STXBP2: variants seen among roughly 807,000 people sequenced by gnomAD.
STXBP2 encodes syntaxin-binding protein 2.
STXBP2 carries 47 observed loss-of-function variants against 72.2 expected under a neutral mutation model. The ratio of observed to expected loss-of-function variants is 0.65; its 90% CI spans 0.51 to 0.83. STXBP2 has a LOEUF of 0.83. Among genes scored for constraint, STXBP2 ranks in the 40% least tolerant of loss-of-function variants. The pLI is 0.00. For synonymous variants in STXBP2, 367 were observed against 338.7 expected, an observed-to-expected ratio of 1.08 and a Z score of -0.92; for missense variants, 702 against 807.6, an observed-to-expected ratio of 0.87 and a Z score of 1.58.
At chr19:7,640,352 GTGCA>G (rs1170241826) in intron 4 of STXBP2, 1 of 560,154 alleles carries the variant, frequency 1.8e-6, no homozygotes. Flanking sequence ...GTATGCGTCT[GTGCA>G]TGTGTGTATG....
intron 1 of STXBP2, 40 bp downstream of exon 1, chr19:7,637,226 G>C (rs1161768227): frequency 8.1e-7 from 1 of 1,236,704 alleles, no homozygotes; most frequent in African/African-American, 1.6e-5. Flanking sequence ...CGTCCGGTGT[G>C]GGACGGGGGT....
chr19:7,640,367 C>CGT (rs534830594), intron 4 of STXBP2: 5 of 538,852 alleles, frequency 9.3e-6, no homozygotes, highest in South Asian at 1.6e-5. Context: ...TGTGTGTATG[C>CGT]GTGTGTGTGC....
upstream of STXBP2, chr19:7,632,733 C>T (rs867786550): frequency 6.4e-7 from 1 of 1,560,852 alleles, no homozygotes; most frequent in Admixed American, 1.9e-5. The surrounding 1 kb of genome is among the most constrained non-coding windows in gnomAD (Gnocchi z 5.2). Context: ...GGTGGTCTGG[C>T]CCGGCCCGGC....
chr19:7,647,080 C>G, intron 16 of STXBP2, 82 bp from the exon 17 acceptor site: 1 of 1,453,842 alleles, frequency 6.9e-7, no homozygotes, highest in South Asian at 1.2e-5. Context: ...GGATCTTGGC[C>G]CCTGAATACC....
rs1357933588 is a variant in STXBP2, at chr19:7,647,191, C to T, written c.1482C>T (p.Asn494=). The change falls in exon 17 of 19, where the codon AAC becomes AAT. Residue 494 remains asparagine, a synonymous_variant. Transcript: ENST00000221283. ...CCGTGGAGGACCGGCTGGACAGGAA[C>T]CTGTGGCCCTTCGTATCCGACCCCG... ...EDAVEDRLDR[N]LWPFVSDPAP... 3 of 1,612,054 alleles carry T rather than the reference C, an allele frequency of 1.9e-6. No individual in the cohort carries two copies. Among genetic ancestry groups the T allele is most frequent in the Non-Finnish European group, 2.5e-6 (3 of 1,179,886 alleles).
Position 7,647,345 on chromosome 19 carries a change from C to T in STXBP2, c.1539-9C>T. On this transcript the variant is annotated splice_polypyrimidine_tract_variant and intron_variant, in intron 17 of 18. Transcript: ENST00000221283. ...TCCTGCCTGGACTTTCTGCCCCTGC[C>T]CTGCACAGTGCCCGCTTCGGTCACT... is the stretch of plus-strand genomic sequence containing the variant. The T allele has an allele frequency of 6.2e-7, 1 of 1,613,104 alleles. No homozygotes were observed. The highest frequency in any genetic ancestry group is 8.5e-7 in the Non-Finnish European group (1 of 1,179,954).
At chr19:7,639,304 T>C in intron 3 of STXBP2, 1 of 665,094 alleles carries the variant, frequency 1.5e-6, no homozygotes, top group Admixed American at 2.1e-5. Flanking sequence ...GCCCATGGAT[T>C]GCAGGCCTCC....
chr19:7,639,844 A>T (rs2031717902), intron 4 of STXBP2, 37 bp downstream of exon 4: 1 of 1,599,620 alleles, frequency 6.3e-7, no homozygotes, highest in African/African-American at 1.3e-5. Flanking sequence ...ATGCGCGTGC[A>T]TGCGTGTACA....
intron 18 of STXBP2, 61 bp downstream of exon 18, chr19:7,647,572 T>C: frequency 6.3e-7 from 1 of 1,579,054 alleles, no homozygotes; most frequent in Non-Finnish European, 8.6e-7. Flanking sequence ...CCTGGGCTTG[T>C]ACCTTCTAGG....
In STXBP2 at chr19:7,641,740, C is replaced by T. The variant is rs1451920383; in HGVS notation, c.465C>T (p.Asn155=). ...TCGATGCTCCCCACAGCACCTACAA[C>T]CTCTACTGCCCCTTCCGGGCAGAGG... ...FSLDAPHSTY[N]LYCPFRAEER... The change falls in exon 7 of 19, where the codon AAC becomes AAT. Residue 155 remains asparagine (N), a synonymous_variant. Transcript: ENST00000221283. 1 of 1,553,552 alleles carries T rather than the reference C, an allele frequency of 6.4e-7. No homozygotes were observed. Among genetic ancestry groups the T allele is most frequent in the Non-Finnish European group, 8.7e-7 (1 of 1,148,700 alleles).
chr19:7,635,026 C>T (rs1487091063), upstream of STXBP2, among the ~76,000 whole-genome samples: 1 of 152,236 alleles, frequency 6.6e-6, no homozygotes, highest in Non-Finnish European at 1.5e-5. Flanking sequence ...ACCTCATGCT[C>T]ACTGCTAATA....
At position 7,642,841 on chromosome 19, in the gene STXBP2, T is replaced by A. The variant is rs200402185; in HGVS notation, c.960+18T>A. 1.7e-4 allele frequency: 278 copies of A among 1,614,018 alleles called. 1 individual carries two copies. The African/African-American group carries it at 3.4e-3, about 20-fold the overall frequency. ...CGGACAAGGTAGGGGCGGACCCAGG[T>A]CACCAAAGGCGCTGGTGGAAGGAAG... is the stretch of plus-strand genomic sequence containing the variant. On this transcript the variant is annotated intron_variant, in intron 11 of 18. Coordinates refer to ENST00000221283, the MANE Select transcript of STXBP2 (RefSeq NM_006949.4). The surrounding 1 kb of genome is among the most constrained non-coding windows in gnomAD (Gnocchi z 6.0).
intron 15 of STXBP2, chr19:7,646,021 C>T (rs2032120295): frequency 5.1e-6 from 3 of 590,420 alleles, no homozygotes; most frequent in Non-Finnish European, 9.1e-6. Flanking sequence ...CTGTCTTTGT[C>T]TTTCTCTGGC....
At chr19:7,643,700 G>C (rs1426662289) in intron 13 of STXBP2, among the ~76,000 whole-genome samples, 5 of 150,334 alleles carry the variant, frequency 3.3e-5, no homozygotes, top group Non-Finnish European at 1.5e-5. Flanking sequence ...TGGGAGAGGG[G>C]CGGAGCCTTG....
At chr19:7,631,409 T>TGGGGGGGGGGGGGGGGGGGG in the STXBP2 span, 16 of 639,394 alleles carry the variant, frequency 2.5e-5, no homozygotes, top group South Asian at 6.1e-5. Context: ...CGGGGGGGGG[T>TGGGGGGGGGGGGGGGGGGGG]GGTCCCGGCT....
chr19:7,645,379 G>A (rs2032093235), intron 15 of STXBP2, 73 bp downstream of exon 15: 3 of 1,416,354 alleles, frequency 2.1e-6, no homozygotes, highest in Non-Finnish European at 2.9e-6. Context: ...CAAGGCAGAG[G>A]GCCATTGGTG....
At position 7,642,193 on chromosome 19, in the gene STXBP2, C is replaced by A; in HGVS notation, c.664-10C>A. 1.9e-6 allele frequency: 3 copies of A among 1,614,120 alleles called. No homozygotes were observed. Among genetic ancestry groups the A allele is most frequent in the Non-Finnish European group, 2.5e-6 (3 of 1,180,006 alleles). Reference sequence around the variant, plus strand: ...TCAGTGCCTCATTCCTGCCCTAAACCCCACCCCAGGGCCCAGAGAAAACCC... The same window carrying A: ...TCAGTGCCTCATTCCTGCCCTAAACACCACCCCAGGGCCCAGAGAAAACCC... On this transcript the variant is annotated splice_polypyrimidine_tract_variant and intron_variant, in intron 8 of 18. Transcript: ENST00000221283. The surrounding 1 kb of genome is among the most constrained non-coding windows in gnomAD (Gnocchi z 6.0).
At chr19:7,630,768 A>T in the STXBP2 span, 1 of 1,536,886 alleles carries the variant, frequency 6.5e-7, no homozygotes, top group Admixed American at 2.0e-5. Flanking sequence ...CCCTGCCCTG[A>T]TGTGGGGCTC....
chr19:7,640,486 ATG>A lies in STXBP2; in HGVS notation c.247-236_247-235del, dbSNP rs761652722. 1.2e-3 allele frequency: 780 copies of A among 632,652 alleles called. 6 individuals are homozygous for A. The highest frequency in any genetic ancestry group is 0.011 in the East Asian group (360 of 33,524). 39.2% of individuals were successfully genotyped at this position (632,652 alleles called of 1,614,324 possible). On this transcript the variant is annotated intron_variant, in intron 4 of 18. Transcript: ENST00000221283. Reference sequence around the variant, plus strand: ...TGCATCTCTGTGTGTGCATGTGTGTATGTGTGTGTGCATCTGTGTGTGTGTGC... The same window carrying A: ...TGCATCTCTGTGTGTGCATGTGTGTATGTGTGTGCATCTGTGTGTGTGTGC...
Sources: gnomAD v4.1 joint callset for allele counts (sites outside exome capture counted in the v4.1 genomes callset) on GRCh38, gnomAD v4.1.1 for gene constraint, Gnocchi (gnomAD v3.1) non-coding constraint, MANE v1.5 for transcripts, NCBI Gene and HGNC (gene_info 2026-07-23, HGNC 2026-07-21) for gene names.